The following SHANK2 variants were observed in gnomAD, a reference collection of about 807,000 sequenced individuals.
SHANK2 encodes the protein SH3 and multiple ankyrin repeat domains protein 2.
SHANK2 carries 43 observed loss-of-function variants against 133.7 expected under a neutral mutation model. The observed-to-expected ratio is 0.32, with a 90% CI of 0.25 to 0.41. The LOEUF is 0.41. Ranked by LOEUF, SHANK2 falls within the 10% of genes least tolerant of loss-of-function variation. SHANK2 has a pLI of 1.00. For missense variants in SHANK2, 1,994 were observed against 2,235.8 expected, an observed-to-expected ratio of 0.89 and a Z score of 2.18; for synonymous variants, 1,017 against 952.8, an observed-to-expected ratio of 1.07 and a Z score of -1.24.
At chr11:70,867,965 T>A (rs1475442747) in intron 11 of SHANK2, among the ~76,000 whole-genome samples, 4 of 152,214 alleles carry the variant, frequency 2.6e-5, no homozygotes, top group African/African-American at 9.6e-5. Flanking sequence ...TGTGCCTCCC[T>A]CTAAATTGAT....
intron 25 of SHANK2, among the ~76,000 whole-genome samples, chr11:70,483,570 G>A (rs1270867209): frequency 6.6e-6 from 1 of 150,584 alleles, no homozygotes; most frequent in Non-Finnish European, 1.5e-5. Flanking sequence ...AAATAGCTGG[G>A]TGTGGTGGCA....
At chr11:70,948,643 C>T (rs888953482) in intron 10 of SHANK2, among the ~76,000 whole-genome samples, 2 of 152,208 alleles carry the variant, frequency 1.3e-5, no homozygotes, top group Admixed American at 6.5e-5. Flanking sequence ...GACGCTGCAA[C>T]GTGGAGGAGG....
chr11:71,145,366 G>A (rs1447133873), intron 3 of SHANK2, among the ~76,000 whole-genome samples: 1 of 152,264 alleles, frequency 6.6e-6, no homozygotes, highest in African/African-American at 2.4e-5. Flanking sequence ...CATTTGTGTT[G>A]AGCCGCATTC....
intron 3 of SHANK2, among the ~76,000 whole-genome samples, chr11:71,142,361 C>T (rs1418434515): frequency 6.6e-6 from 1 of 152,040 alleles, no homozygotes; most frequent in African/African-American, 2.4e-5. Context: ...ATTAGCCAGG[C>T]GTGGTGGCGC....
At chr11:71,193,708 A>G (rs1372398972) in intron 2 of SHANK2, among the ~76,000 whole-genome samples, 1 of 152,114 alleles carries the variant, frequency 6.6e-6, no homozygotes, top group Non-Finnish European at 1.5e-5. Flanking sequence ...CAGACCAGGC[A>G]CCTGAAACCA....
rs183276547 is a variant in SHANK2, at chr11:71,097,349, C to T, written c.593-2661G>A. Among the ~76,000 whole-genome samples, 421 of 152,156 alleles carry T rather than the reference C, an allele frequency of 2.8e-3. 1 individual carries two copies. The highest frequency in any genetic ancestry group is 5.8e-3 in the South Asian group (28 of 4,814). ...CGGTGACAGATATAACAGCACTGCC[C>T]GGGATGCACACCCAGTGACTGCACT... On this transcript the variant is annotated intron_variant, in intron 6 of 25. Coordinates refer to ENST00000601538, the MANE Select transcript of SHANK2 (RefSeq NM_012309.5).
Position 70,487,408 on chromosome 11 carries a change from T to C in SHANK2, c.2885A>G (p.Asp962Gly), listed in dbSNP as rs1555154449. 6.2e-7 allele frequency: 1 copy of C among 1,613,974 alleles called. No homozygotes were observed. Among genetic ancestry groups the C allele is most frequent in the South Asian group, 1.1e-5 (1 of 91,064 alleles). ...FRRELDRYSL[D>G]SEDLYSRNAG... ...ATTCCGACTGTAGAGGTCTTCAGAG[T>C]CCAAGGAGTAGCGGTCCAGCTCTCT... Residue 962 changes from aspartate (D) to glycine (G), a missense_variant, in exon 25 of 26, where the codon GAC (aspartate) becomes GGC (glycine). By Grantham distance (94) the Asp-to-Gly change is moderately conservative. This residue lies in a region of SHANK2 where 488 missense variants were observed against 642.6 expected (regional missense o/e 0.76). Coordinates refer to ENST00000601538, the MANE Select transcript of SHANK2 (RefSeq NM_012309.5). The surrounding 1 kb of genome is among the most constrained non-coding windows in gnomAD (Gnocchi z 5.8).
chr11:70,936,700 G>A (rs180981022), intron 10 of SHANK2, among the ~76,000 whole-genome samples: 2 of 152,128 alleles, frequency 1.3e-5, no homozygotes, highest in African/African-American at 2.4e-5. Context: ...CTCCACTAAC[G>A]AACAGGTTCA....
rs371734551 is a variant in SHANK2 at position 70,507,314 on chromosome 11, T to C, written c.2062-4383A>G. On this transcript the variant is annotated intron_variant, in intron 17 of 25. Coordinates refer to ENST00000601538, the MANE Select transcript of SHANK2 (RefSeq NM_012309.5). ...GTTTAGAATTTTGGGAAGGGACAGATTGAACTCTGCACATTGCTGGTCTCA... is the reference window on the plus strand; with the variant it reads ...GTTTAGAATTTTGGGAAGGGACAGACTGAACTCTGCACATTGCTGGTCTCA... Among the ~76,000 whole-genome samples, 23 of 152,364 alleles carry C rather than the reference T, an allele frequency of 1.5e-4. No individual in the cohort carries two copies. In the South Asian group the frequency reaches 4.6e-3, roughly 30 times the overall value.
intron 17 of SHANK2, among the ~76,000 whole-genome samples, chr11:70,552,319 C>G (rs1357987151): frequency 6.6e-6 from 1 of 152,154 alleles, no homozygotes; most frequent in Non-Finnish European, 1.5e-5. Flanking sequence ...CAGCCCAGGC[C>G]AAGCCTCGGG....
At chr11:70,918,259 A>G (rs900772432) in intron 10 of SHANK2, among the ~76,000 whole-genome samples, 4 of 151,982 alleles carry the variant, frequency 2.6e-5, no homozygotes, top group Non-Finnish European at 4.4e-5. Flanking sequence ...AGGTCACTAG[A>G]CTCTCCTAAC....
At chr11:71,108,494 C>T (rs1484389024) in intron 6 of SHANK2, among the ~76,000 whole-genome samples, 4 of 152,154 alleles carry the variant, frequency 2.6e-5, no homozygotes, top group Non-Finnish European at 5.9e-5. Flanking sequence ...GTCCCAATCA[C>T]TCCCTTTCCC....
intron 10 of SHANK2, among the ~76,000 whole-genome samples, chr11:70,904,534 G>T (rs1426425303): frequency 6.9e-6 from 1 of 145,606 alleles, no homozygotes; most frequent in Non-Finnish European, 1.5e-5. Context: ...TTTTAATGGA[G>T]TCTAACTCTG....
chr11:71,186,653 C>A (rs1488832859), intron 2 of SHANK2, among the ~76,000 whole-genome samples: 1 of 152,228 alleles, frequency 6.6e-6, no homozygotes, highest in Non-Finnish European at 1.5e-5. Context: ...GCACTCCCTG[C>A]ATGTCACATA....
intron 9 of SHANK2, among the ~76,000 whole-genome samples, chr11:71,072,023 C>T (rs1951149440): frequency 6.6e-6 from 1 of 152,192 alleles, no homozygotes. Context: ...CATCTCGACA[C>T]CCTCCAGATT....
rs2135222659 is a variant in SHANK2 at position 70,798,531 on chromosome 11, G to A, written c.1689C>T (p.Phe563=). The A allele has an allele frequency of 1.4e-6, 1 of 718,596 alleles. No homozygotes were observed. Among genetic ancestry groups the A allele is most frequent in the Non-Finnish European group, 2.6e-6 (1 of 385,098 alleles). The allele number at this position is 718,596 out of a possible 1,614,324, so 44.5% of individuals were successfully genotyped here. The change falls in exon 14 of 26, where the codon TTC becomes TTT. Residue 563 remains phenylalanine, a synonymous_variant. Transcript: ENST00000601538. The stretch of plus-strand genomic sequence containing the variant: ...TGTGGCCGCGGGCGCTGCCTTCCCA[G>A]AAGCCCCCTTCACCGATGCTCAGAA... ...VKVLSIGEGG[F]WEGSARGHIG...
At chr11:70,795,406 T>TC (rs1947887245) in intron 14 of SHANK2, among the ~76,000 whole-genome samples, 1 of 82,642 alleles carries the variant, frequency 1.2e-5, no homozygotes, top group African/African-American at 3.4e-5. Context: ...TCTTTCTTTT[T>TC]CTTTTTTTTT....
intron 16 of SHANK2, 81 bp from the exon 17 acceptor site, chr11:70,660,033 C>A: frequency 1.9e-6 from 3 of 1,586,980 alleles, no homozygotes; most frequent in Admixed American, 1.7e-5. Context: ...CACAGGACCC[C>A]GGGAGGAAGT....
At chr11:70,761,422 T>C (rs1226083423) in intron 14 of SHANK2, among the ~76,000 whole-genome samples, 1 of 152,128 alleles carries the variant, frequency 6.6e-6, no homozygotes, top group Non-Finnish European at 1.5e-5. Flanking sequence ...CAGTCTCGAT[T>C]GTGTTTGTTT....
Sources: allele counts gnomAD v4.1 joint callset (sites outside exome capture counted in the v4.1 genomes callset), GRCh38; gene constraint gnomAD v4.1.1; regional missense constraint gnomAD v4.1.1; non-coding constraint Gnocchi (gnomAD v3.1); transcripts MANE v1.5; gene names NCBI Gene and HGNC (gene_info 2026-07-23, HGNC 2026-07-21).